OCRL: variants seen among roughly 807,000 people sequenced by gnomAD.
OCRL encodes OCRL inositol polyphosphate-5-phosphatase, also known as inositol polyphosphate 5-phosphatase OCRL.
In OCRL, 8 loss-of-function variants were observed where a neutral mutation model predicts 78.9. The observed-to-expected ratio is 0.10, with a 90% CI of 0.06 to 0.18. The LOEUF (loss-of-function observed/expected upper bound fraction) is 0.18. Ranked by LOEUF, OCRL falls within the 10% of genes least tolerant of loss-of-function variation. The pLI is 1.00. For synonymous variants in OCRL, 240 were observed against 235.4 expected, an observed-to-expected ratio of 1.02 and a Z score of -0.18; for missense variants, 454 against 696.7, an observed-to-expected ratio of 0.65 and a Z score of 3.92.
At chrX:129,571,479 C>T (rs1480458774) in intron 15 of OCRL, among the ~76,000 whole-genome samples, 2 of 107,128 alleles carry the variant, frequency 1.9e-5, no homozygotes, top group African/African-American at 3.4e-5. Context: ...ATTCTCTTGC[C>T]TCAGCCTCCC....
At chrX:129,548,861 A>C (rs947208546) in intron 4 of OCRL, among the ~76,000 whole-genome samples, 1 of 112,221 alleles carries the variant, frequency 8.9e-6, no homozygotes, top group African/African-American at 3.2e-5. Context: ...GTGAGCTACC[A>C]GTATTGTTGC....
At chrX:129,550,066 A>AC (rs1935938866) in intron 4 of OCRL, 1 of 112,336 alleles carries the variant, frequency 8.9e-6, no homozygotes, top group Admixed American at 9.5e-5. Context: ...TGGGTTTGTT[A>AC]GGCAGGCCTG....
chrX:129,589,475 AAGAAAACCATTCAAACAAAAAAGAAC>A lies in OCRL; in HGVS notation c.2470-356_2470-331del. ...CCCATCCATGCTAAGTGACATTGTA[AAGAAAACCATTCAAACAAAAAAGAAC>A]AGAAAACCATTCAGCTTGGTAGGTG... On this transcript the variant is annotated intron_variant, in intron 22 of 23. Transcript: ENST00000371113. 3 of 290,647 alleles carry A rather than the reference AAGAAAACCATTCAAACAAAAAAGAAC, an allele frequency of 1.0e-5. No individual in the cohort carries two copies. The South Asian group carries it at 1.2e-4, about 12-fold the overall frequency. 24.0% of individuals were successfully genotyped at this position (290,647 alleles called of 1,213,427 possible). A position where few individuals can be genotyped will look rare whatever the true frequency, so the allele number is the denominator to read the frequency against.
Position 129,587,027 on chromosome X carries a change from C to T in OCRL, c.2165C>T (p.Pro722Leu). ...EKEKSLLQMV[P>L]LDEGASERPL... ...GAGAAATCCCTTCTGCAAATGGTTCCTTTGGATGAAGGTGCCAGTGAGAGA... is the reference window on the plus strand; with the variant it reads ...GAGAAATCCCTTCTGCAAATGGTTCTTTTGGATGAAGGTGCCAGTGAGAGA... The change falls in exon 20 of 24, where the codon CCT becomes CTT. Residue 722 changes from proline (P) to leucine (L), a missense_variant. By Grantham distance (98) the Pro-to-Leu change is moderately conservative (BLOSUM62 -3). Around this residue, in one of 2 missense-constraint regions of OCRL, gnomAD observed 277 missense variants for 517.1 expected, o/e 0.54. Transcript: ENST00000371113. 8.3e-7 allele frequency: 1 copy of T among 1,206,830 alleles called. No individual in the cohort carries two copies. The highest frequency in any genetic ancestry group is 1.1e-6 in the Non-Finnish European group (1 of 891,023).
intron 8 of OCRL, among the ~76,000 whole-genome samples, chrX:129,559,429 G>C (rs1445691015): frequency 2.7e-5 from 3 of 111,788 alleles, no homozygotes; most frequent in African/African-American, 9.8e-5. Flanking sequence ...AAATTCCTGA[G>C]CTCAGGCAAT....
At chrX:129,587,972 G>T (rs755638132) in intron 20 of OCRL, among the ~76,000 whole-genome samples, 20 of 111,586 alleles carry the variant, frequency 1.8e-4, no homozygotes, top group Non-Finnish European at 3.2e-4. Context: ...CCTTTGAAAA[G>T]ATCATTTTCC....
chrX:129,557,285 A>G, intron 4 of OCRL, 40 bp from the exon 5 acceptor site: 1 of 1,082,995 alleles, frequency 9.2e-7, no homozygotes, highest in Non-Finnish European at 1.3e-6. Context: ...AAAACATTTT[A>G]TCCCATAGCA....
rs139960777 is a variant in OCRL, at chrX:129,569,840, C to CTTTTTTT, written c.1602+456_1602+462dup. On this transcript the variant is annotated intron_variant, in intron 15 of 23. Transcript: ENST00000371113. Reference sequence around the variant, plus strand: ...AGTGTCATCCCTACACTTATTTTTTCTTTTTTTTTTTTTTTTTTTTTGAGA... The same window carrying CTTTTTTT: ...AGTGTCATCCCTACACTTATTTTTTCTTTTTTTTTTTTTTTTTTTTTTTTTTTTGAGA... 2.3e-4 allele frequency among the ~76,000 whole-genome samples: 19 copies of CTTTTTTT among 83,816 alleles called. 1 individual carries two copies. The highest frequency in any genetic ancestry group is 1.2e-3 in the East Asian group (3 of 2,516). 72.8% of individuals were successfully genotyped at this position (83,816 alleles called of 115,157 possible).
intron 18 of OCRL, 81 bp from the exon 19 acceptor site, chrX:129,584,263 A>G: frequency 1.1e-6 from 1 of 891,742 alleles, no homozygotes; most frequent in Non-Finnish European, 1.7e-6. Context: ...GAGTTCTAAT[A>G]CTGATCTGTT....
At chrX:129,541,755 A>G (rs1043462846) in intron 2 of OCRL, among the ~76,000 whole-genome samples, 2 of 111,609 alleles carry the variant, frequency 1.8e-5, no homozygotes, top group African/African-American at 3.3e-5. Context: ...CCTAAAACCA[A>G]TTTTCTCAGT....
rs775838844 is a variant in OCRL, at chrX:129,589,852, C to G, written c.2477C>G (p.Ser826Cys). Residue 826 changes from serine to cysteine, a missense_variant, in exon 23 of 24, where the codon TCC (serine) becomes TGC (cysteine). Ser to Cys is a moderately radical substitution (Grantham distance 112, BLOSUM62 -1). Coordinates refer to ENST00000371113, the MANE Select transcript of OCRL (RefSeq NM_000276.4). ...CCCTATTTTTAAAAACAGGTGATCT[C>G]CCAGCTTCCGAGATGCCATAGAAAT... ...YDPRICRQVI[S>C]QLPRCHRNVF... 6 of 1,205,237 alleles carry G rather than the reference C, an allele frequency of 5.0e-6. No individual in the cohort carries two copies. In the South Asian group the frequency reaches 1.1e-4, roughly 21 times the overall value.
At position 129,540,471 on chromosome X, in the gene OCRL, C is replaced by T. The variant is rs1359386930; in HGVS notation, c.32C>T (p.Pro11Leu). 7 of 1,144,212 alleles carry T rather than the reference C, an allele frequency of 6.1e-6. No individual in the cohort carries two copies. The East Asian group carries it at 2.0e-4, about 33-fold the overall frequency. 94.3% of individuals were successfully genotyped at this position (1,144,212 alleles called of 1,213,427 possible). A position where few individuals can be genotyped will look rare whatever the true frequency, so the allele number is the denominator to read the frequency against. The change falls in exon 1 of 24, where the codon CCG (proline) becomes CTG (leucine). Residue 11 changes from proline (P) to leucine (L), a missense_variant. Transcript: ENST00000371113. ...CCGCCGCTCCCGGTCGGAGCCCAGC[C>T]GCTTGCCGTATCCGCCGGAGAGAAG... is the stretch of plus-strand genomic sequence containing the variant. The part of the protein sequence containing the change: MEPPLPVGAQ[P>L]LATVEGMEMK...
rs926478666 is a variant in OCRL, at chrX:129,590,634, C to T, written c.*364C>T. The stretch of plus-strand genomic sequence containing the variant: ...ATTCTGAGATCTTCCCATTCTAGGC[C>T]TACAAGCACTACTTGCTGTAGCTGA... On this transcript the variant is annotated 3_prime_UTR_variant, in exon 24 of 24. Transcript: ENST00000371113. 8.5e-6 allele frequency: 2 copies of T among 236,317 alleles called. No individual in the cohort carries two copies. The highest frequency in any genetic ancestry group is 2.9e-5 in the African/African-American group (1 of 34,414). 19.5% of individuals were successfully genotyped at this position (236,317 alleles called of 1,213,427 possible). A position where few individuals can be genotyped will look rare whatever the true frequency, so the allele number is the denominator to read the frequency against.
At chrX:129,564,547 A>C (rs1439095148) in intron 12 of OCRL, among the ~76,000 whole-genome samples, 1 of 111,374 alleles carries the variant, frequency 9.0e-6, no homozygotes, top group Non-Finnish European at 1.9e-5. Flanking sequence ...AGCCATAAAA[A>C]ATGATGAGCT....
At chrX:129,546,896 CCTTT>C (rs1569456960) in intron 3 of OCRL, among the ~76,000 whole-genome samples, 1 of 110,978 alleles carries the variant, frequency 9.0e-6, no homozygotes, top group Non-Finnish European at 1.9e-5. Context: ...ATTTTCATCT[CCTTT>C]CTATTTCCTG....
intron 2 of OCRL, among the ~76,000 whole-genome samples, chrX:129,543,266 G>A (rs755438042): frequency 2.7e-5 from 3 of 112,569 alleles, no homozygotes; most frequent in South Asian, 3.7e-4. Context: ...TGGGTAACAC[G>A]TAGTAAATAC....
chrX:129,583,316 A>G (rs1490341653), intron 18 of OCRL, among the ~76,000 whole-genome samples: 1 of 111,857 alleles, frequency 8.9e-6, no homozygotes, highest in Non-Finnish European at 1.9e-5. Flanking sequence ...ATACATTCTC[A>G]CAGTTTTCCT....
chrX:129,588,069 A>G, intron 20 of OCRL, 110 bp from the exon 21 acceptor site: 1 of 579,788 alleles, frequency 1.7e-6, no homozygotes, highest in Non-Finnish European at 3.1e-6. Flanking sequence ...TTATTAACAC[A>G]CATACCACCC....
intron 15 of OCRL, among the ~76,000 whole-genome samples, chrX:129,574,776 C>T (rs918340181): frequency 8.9e-6 from 1 of 112,263 alleles, no homozygotes; most frequent in Non-Finnish European, 1.9e-5. Flanking sequence ...TTTATTATTA[C>T]CAAGCTTCTT....
Sources: allele counts gnomAD v4.1 joint callset (sites outside exome capture counted in the v4.1 genomes callset), GRCh38; gene constraint gnomAD v4.1.1; regional missense constraint gnomAD v4.1.1; transcripts MANE v1.5; gene names NCBI Gene and HGNC (gene_info 2026-07-23, HGNC 2026-07-21).